The following TIMP2 variants were observed in gnomAD, a reference collection of about 807,000 sequenced individuals.
TIMP2 encodes the protein metalloproteinase inhibitor 2.
In TIMP2, 5 loss-of-function variants were observed where a neutral mutation model predicts 24.3. The observed-to-expected ratio is 0.21, with a 90% CI of 0.11 to 0.43. TIMP2 has a LOEUF of 0.43. Among genes scored for constraint, TIMP2 ranks in the 20% least tolerant of loss-of-function variants. The pLI is 1.00. For missense variants in TIMP2, 221 were observed against 297.5 expected (o/e 0.74, Z 1.89); for synonymous variants, 130 against 123.2 (o/e 1.06, Z -0.37).
At chr17:78,899,566 A>G (rs1024187467) in intron 1 of TIMP2, 2 of 152,258 alleles carry the variant, frequency 1.3e-5, no homozygotes, top group Non-Finnish European at 2.9e-5. Flanking sequence ...AAGCCTGGCA[A>G]TCTCTGGGCC....
intron 1 of TIMP2, among the ~76,000 whole-genome samples, chr17:78,912,992 G>A (rs1201974438): frequency 1.3e-5 from 2 of 151,510 alleles, no homozygotes; most frequent in Non-Finnish European, 2.9e-5. Flanking sequence ...ATCACCTGAG[G>A]TTGGGAGTTC....
Position 78,925,080 on chromosome 17 carries a change from G to C in TIMP2, c.9C>G (p.Ala3=). The stretch of plus-strand genomic sequence containing the variant: ...GCGCCAGCCGCAGGGTGCGGGCCGC[G>C]GCGCCCATGGCGGGCCGGGGGGCTG... MG[A]AARTLRLALG... The change falls in exon 1 of 5, where the codon GCC becomes GCG. Residue 3 remains alanine, a synonymous_variant. Transcript: ENST00000262768. 1 of 1,057,438 alleles carries C rather than the reference G, an allele frequency of 9.5e-7. No individual in the cohort carries two copies. The highest frequency in any genetic ancestry group is 1.1e-6 in the Non-Finnish European group (1 of 877,128). 65.5% of individuals were successfully genotyped at this position (1,057,438 alleles called of 1,614,324 possible).
intron 1 of TIMP2, chr17:78,890,929 G>A: frequency 6.4e-7 from 1 of 1,550,854 alleles, no homozygotes; most frequent in Non-Finnish European, 8.7e-7. Context: ...TCATATCTGG[G>A]TGTTCCATTT....
chr17:78,906,542 G>C (rs1166845728), intron 1 of TIMP2, among the ~76,000 whole-genome samples: 1 of 151,950 alleles, frequency 6.6e-6, no homozygotes, highest in Non-Finnish European at 1.5e-5. Flanking sequence ...CTGAAGATTG[G>C]GGTTGGCTGT....
chr17:78,876,234 G>A (rs2069726817), intron 1 of TIMP2, among the ~76,000 whole-genome samples: 1 of 152,052 alleles, frequency 6.6e-6, no homozygotes, highest in Non-Finnish European at 1.5e-5. Context: ...TCAGCCAGGG[G>A]CCTCAGCTGC....
rs528903946 is a variant in TIMP2 at position 78,909,358 on chromosome 17, T to TAAAAA, written c.130+15596_130+15600dup. On this transcript the variant is annotated intron_variant, in intron 1 of 4. Coordinates refer to ENST00000262768, the MANE Select transcript of TIMP2 (RefSeq NM_003255.5). ...CGACAGAGCAAGACCCTCATCTCTT[T>TAAAAA]AAAAAAAAAAAAGATAAATCAAGGA... is the stretch of plus-strand genomic sequence containing the variant. 7.0e-3 allele frequency among the ~76,000 whole-genome samples: 1,016 copies of TAAAAA among 144,156 alleles called. 15 individuals are homozygous for TAAAAA. The highest frequency in any genetic ancestry group is 0.023 in the African/African-American group (897 of 39,062). The allele number at this position is 144,156 out of a possible 152,430, so 94.6% of individuals were successfully genotyped here. A position where few individuals can be genotyped will look rare whatever the true frequency, so the allele number is the denominator to read the frequency against.
In TIMP2 at chr17:78,894,830, C is replaced by A. The variant is rs60481020; in HGVS notation, c.131-20911G>T. Among the ~76,000 whole-genome samples, 324 of 151,666 alleles carry A rather than the reference C, an allele frequency of 2.1e-3. 5 individuals are homozygous for A. In the East Asian group the frequency reaches 0.052, roughly 24 times the overall value. On this transcript the variant is annotated intron_variant, in intron 1 of 4. Transcript: ENST00000262768. ...CATCAAAATTAAAAGAAAAAAAAAACCTTTGTGCTTCAAAAGGTACCATAA... is the reference window on the plus strand; with the variant it reads ...CATCAAAATTAAAAGAAAAAAAAAAACTTTGTGCTTCAAAAGGTACCATAA...
chr17:78,909,506 G>A (rs1462240918), intron 1 of TIMP2, among the ~76,000 whole-genome samples: 2 of 147,022 alleles, frequency 1.4e-5, no homozygotes, highest in Non-Finnish European at 3.0e-5. Context: ...CTCATGTCAC[G>A]TCAAGTGCTG....
chr17:78,907,717 A>G (rs1220222909), intron 1 of TIMP2, among the ~76,000 whole-genome samples: 1 of 152,252 alleles, frequency 6.6e-6, no homozygotes, highest in African/African-American at 2.4e-5. Flanking sequence ...ATGAAAACGC[A>G]GTATCTGCAG....
rs955684385 is a variant in TIMP2, at chr17:78,855,448, C to G, written c.*219G>C. ...GATCGAAGCCCCAGACACATAGTGCCTGGCAGAGGGAGGATGGGATGAGGA... is the reference window on the plus strand; with the variant it reads ...GATCGAAGCCCCAGACACATAGTGCGTGGCAGAGGGAGGATGGGATGAGGA... On this transcript the variant is annotated 3_prime_UTR_variant, in exon 5 of 5. Coordinates refer to ENST00000262768, the MANE Select transcript of TIMP2 (RefSeq NM_003255.5). This position sits in a 1 kb window ranked among gnomAD's most constrained non-coding sequence, Gnocchi z 6.0. 57 of 596,706 alleles carry G rather than the reference C, an allele frequency of 9.6e-5. No homozygotes were observed. The highest frequency in any genetic ancestry group is 4.5e-4 in the Middle Eastern group (1 of 2,214). The allele number at this position is 596,706 out of a possible 1,614,324, so 37.0% of individuals were successfully genotyped here.
chr17:78,919,339 TC>T (rs1203790984), intron 1 of TIMP2, among the ~76,000 whole-genome samples: 1 of 152,172 alleles, frequency 6.6e-6, no homozygotes, highest in Non-Finnish European at 1.5e-5. Context: ...TCCCCCTGAA[TC>T]CCCAGGCTCC....
At position 78,920,771 on chromosome 17, in the gene TIMP2, T is replaced by C. The variant is rs1477819284; in HGVS notation, c.130+4188A>G. Among the ~76,000 whole-genome samples, 3 of 152,160 alleles carry C rather than the reference T, an allele frequency of 2.0e-5. No homozygotes were observed. In the East Asian group the frequency reaches 5.8e-4, roughly 29 times the overall value. ...AACCACACTGAGTGGACTGACTTTA[T>C]ACCACACCTGGGCAGTTGAGGAGGG... On this transcript the variant is annotated intron_variant, in intron 1 of 4. Transcript: ENST00000262768. The surrounding 1 kb of genome is among the most constrained non-coding windows in gnomAD (Gnocchi z 4.5).
chr17:78,891,955 C>A lies in TIMP2; in HGVS notation c.131-18036G>T, dbSNP rs1008258771. 1.3e-6 allele frequency: 2 copies of A among 1,550,604 alleles called. No individual in the cohort carries two copies. Among genetic ancestry groups the A allele is most frequent in the Middle Eastern group, 1.7e-4 (1 of 5,992 alleles). Reference sequence around the variant, plus strand: ...AGTGCCTGGGGTGTTGCTGGCCCAACTCTTCCCTGCAACTCCTCTCTTCAC... The same window carrying A: ...AGTGCCTGGGGTGTTGCTGGCCCAAATCTTCCCTGCAACTCCTCTCTTCAC... On this transcript the variant is annotated intron_variant, in intron 1 of 4. Transcript: ENST00000262768. This position sits in a 1 kb window ranked among gnomAD's most constrained non-coding sequence, Gnocchi z 4.5.
intron 1 of TIMP2, chr17:78,892,462 A>G (rs1035164085): frequency 1.9e-5 from 30 of 1,545,424 alleles, no homozygotes; most frequent in Non-Finnish European, 2.5e-5. Flanking sequence ...CAGCAAACCT[A>G]CGAGGAAGGG....
chr17:78,901,353 C>G (rs1355842376), intron 1 of TIMP2: 3 of 201,172 alleles, frequency 1.5e-5, no homozygotes, highest in Admixed American at 1.0e-4. Context: ...CAGAACTGTT[C>G]AAGACCTAAA....
intron 1 of TIMP2, among the ~76,000 whole-genome samples, chr17:78,910,223 C>T (rs1228092625): frequency 6.7e-6 from 1 of 150,192 alleles, no homozygotes; most frequent in Non-Finnish European, 1.5e-5. Context: ...CACGGAGTCT[C>T]GCTCTGTAGC....
chr17:78,870,142 G>A (rs1448980480), intron 3 of TIMP2, among the ~76,000 whole-genome samples: 6 of 152,320 alleles, frequency 3.9e-5, no homozygotes, highest in South Asian at 4.1e-4. Flanking sequence ...TTGGCCGGGC[G>A]CGGTGGCTCG....
chr17:78,854,476 A>G lies in TIMP2; in HGVS notation c.*1191T>C, dbSNP rs761342164. On this transcript the variant is annotated 3_prime_UTR_variant, in exon 5 of 5. Transcript: ENST00000262768. ...CATCTGAGAATTCACCTTTAGAAAA[A>G]TAAGATGTCTCTTAAAACAGGCCAT... 2 of 151,980 alleles carry G rather than the reference A, an allele frequency of 1.3e-5. No individual in the cohort carries two copies. The highest frequency in any genetic ancestry group is 2.9e-5 in the Non-Finnish European group (2 of 68,026). The allele number at this position is 151,980 out of a possible 1,614,324, so 9.4% of individuals were successfully genotyped here. A position where few individuals can be genotyped will look rare whatever the true frequency, so the allele number is the denominator to read the frequency against.
chr17:78,891,948 G>A lies in TIMP2; in HGVS notation c.131-18029C>T, dbSNP rs2145770144. 1 of 1,550,562 alleles carries A rather than the reference G, an allele frequency of 6.4e-7. No homozygotes were observed. On this transcript the variant is annotated intron_variant, in intron 1 of 4. Transcript: ENST00000262768. This position sits in a 1 kb window ranked among gnomAD's most constrained non-coding sequence, Gnocchi z 4.5. Reference sequence around the variant, plus strand: ...GGCCTGGAGTGCCTGGGGTGTTGCTGGCCCAACTCTTCCCTGCAACTCCTC... The same window carrying A: ...GGCCTGGAGTGCCTGGGGTGTTGCTAGCCCAACTCTTCCCTGCAACTCCTC...
Sources: gnomAD v4.1 joint callset for allele counts (sites outside exome capture counted in the v4.1 genomes callset) on GRCh38, gnomAD v4.1.1 for gene constraint, Gnocchi (gnomAD v3.1) non-coding constraint, MANE v1.5 for transcripts, NCBI Gene and HGNC (gene_info 2026-07-23, HGNC 2026-07-21) for gene names.